The following FAM107B variants were observed in gnomAD, a reference collection of about 807,000 sequenced individuals.
The protein encoded by FAM107B is protein FAM107B.
A neutral mutation model predicts 31.5 loss-of-function variants in FAM107B; 21 were observed. The observed-to-expected ratio is 0.67, with a 90% CI of 0.47 to 0.96. The LOEUF (loss-of-function observed/expected upper bound fraction) is 0.96. Ranked by LOEUF, FAM107B falls within the 40% of genes least tolerant of loss-of-function variation. The probability of loss-of-function intolerance (pLI) is 0.00; values close to 1 mark genes in which losing one functional copy is unlikely to be tolerated. For missense variants in FAM107B, 452 were observed against 377.1 expected, an observed-to-expected ratio of 1.20 and a Z score of -1.64; for synonymous variants, 157 against 141.5, an observed-to-expected ratio of 1.11 and a Z score of -0.78.
intron 2 of FAM107B, among the ~76,000 whole-genome samples, chr10:14,593,683 G>A (rs1184568623): frequency 6.7e-6 from 1 of 148,390 alleles, no homozygotes; most frequent in Non-Finnish European, 1.5e-5. Flanking sequence ...ACGAGACTGA[G>A]AATCTGTCTC....
chr10:14,733,345 T>G (rs1352086514), intron 1 of FAM107B, among the ~76,000 whole-genome samples: 1 of 152,138 alleles, frequency 6.6e-6, no homozygotes, highest in Non-Finnish European at 1.5e-5. Flanking sequence ...TACTTCAATT[T>G]TGTCAGCATC....
intron 3 of FAM107B, among the ~76,000 whole-genome samples, chr10:14,524,455 A>ATT (rs1846014196): frequency 6.6e-6 from 1 of 152,224 alleles, no homozygotes; most frequent in Non-Finnish European, 1.5e-5. Flanking sequence ...CCAAATTTCC[A>ATT]GGGAAACAAA....
intron 2 of FAM107B, chr10:14,612,364 A>G (rs79991209): frequency 6.6e-6 from 1 of 152,268 alleles, no homozygotes; most frequent in Non-Finnish European, 1.5e-5. Flanking sequence ...GAATGAATGC[A>G]TGATGGAAGG....
chr10:14,737,601 G>T (rs911174517), intron 1 of FAM107B, among the ~76,000 whole-genome samples: 2 of 151,840 alleles, frequency 1.3e-5, no homozygotes, highest in Admixed American at 6.6e-5. Context: ...GTGACAGAGA[G>T]AGACTCGGCC....
intron 2 of FAM107B, among the ~76,000 whole-genome samples, chr10:14,603,419 C>G (rs1852469672): frequency 6.6e-6 from 1 of 152,174 alleles, no homozygotes; most frequent in African/African-American, 2.4e-5. Context: ...AACTTTGCTC[C>G]GCTGTCATTG....
chr10:14,541,723 G>C (rs929318089), intron 2 of FAM107B, among the ~76,000 whole-genome samples: 1 of 152,192 alleles, frequency 6.6e-6, no homozygotes, highest in Non-Finnish European at 1.5e-5. Flanking sequence ...GAAGGGAAAA[G>C]ACCTCTGAGT....
intron 1 of FAM107B, among the ~76,000 whole-genome samples, chr10:14,689,467 G>C (rs1369355110): frequency 6.6e-6 from 1 of 151,848 alleles, no homozygotes; most frequent in African/African-American, 2.4e-5. Context: ...GGAAATGCTA[G>C]AGTAGACTTT....
chr10:14,737,068 G>C (rs1006620215), intron 1 of FAM107B, among the ~76,000 whole-genome samples: 3 of 152,082 alleles, frequency 2.0e-5, no homozygotes, highest in Admixed American at 2.0e-4. Flanking sequence ...GAGAAATGAA[G>C]GAAGCAAAAA....
In FAM107B at chr10:14,699,488, A is replaced by G. The variant is rs578026093; in HGVS notation, c.412-31797T>C. Reference sequence around the variant, plus strand: ...ACCAGGAACACTGATGCTCAAGGGCAGGTGAAAGTGGATGGGTCAGATCAA... The same window carrying G: ...ACCAGGAACACTGATGCTCAAGGGCGGGTGAAAGTGGATGGGTCAGATCAA... On this transcript the variant is annotated intron_variant, in intron 1 of 4. Transcript: ENST00000181796. Among the ~76,000 whole-genome samples, 9 of 152,300 alleles carry G rather than the reference A, an allele frequency of 5.9e-5. No homozygotes were observed. In the South Asian group the frequency reaches 1.9e-3, roughly 32 times the overall value.
chr10:14,526,924 G>A (rs553929997), intron 3 of FAM107B, among the ~76,000 whole-genome samples: 87 of 151,204 alleles, frequency 5.8e-4, no homozygotes, highest in African/African-American at 2.0e-3. Flanking sequence ...TGCAAGCTCC[G>A]CCTCCCGGGT....
At chr10:14,716,699 C>T (rs535673319) in intron 1 of FAM107B, among the ~76,000 whole-genome samples, 2 of 152,296 alleles carry the variant, frequency 1.3e-5, no homozygotes, top group South Asian at 4.2e-4. Context: ...TGAATCTTGG[C>T]TCCTCCTCAA....
At chr10:14,725,073 C>G (rs910351987) in intron 1 of FAM107B, among the ~76,000 whole-genome samples, 1 of 152,162 alleles carries the variant, frequency 6.6e-6, no homozygotes, top group Non-Finnish European at 1.5e-5. Flanking sequence ...GCAGGGAGAA[C>G]AGAAACAGCA....
intron 1 of FAM107B, among the ~76,000 whole-genome samples, chr10:14,685,340 G>C (rs1854957740): frequency 6.6e-6 from 1 of 151,728 alleles, no homozygotes. Context: ...GTAGAGACGA[G>C]GCCTCACTAT....
intron 2 of FAM107B, among the ~76,000 whole-genome samples, chr10:14,591,492 G>C (rs1852018296): frequency 6.6e-6 from 1 of 152,156 alleles, no homozygotes; most frequent in South Asian, 2.1e-4. Flanking sequence ...AATGTTGTCA[G>C]TTTTCCCCGA....
intron 2 of FAM107B, among the ~76,000 whole-genome samples, 156 bp downstream of exon 2, chr10:14,667,478 G>A (rs1231124798): frequency 1.3e-5 from 2 of 152,178 alleles, no homozygotes; most frequent in African/African-American, 2.4e-5. Context: ...TCCAGATGTC[G>A]TGCCTGGAAT....
chr10:14,762,383 T>C (rs1833067346), intron 1 of FAM107B, among the ~76,000 whole-genome samples: 1 of 152,214 alleles, frequency 6.6e-6, no homozygotes, highest in African/African-American at 2.4e-5. Flanking sequence ...CACAGGAGGC[T>C]AGCGGAACCT....
intron 2 of FAM107B, among the ~76,000 whole-genome samples, chr10:14,575,734 C>T (rs12572966): frequency 0.16 from 24,393 of 152,098 alleles, 2,333 homozygotes; most frequent in Middle Eastern, 0.28. Context: ...CATGTGTGCA[C>T]GGGCTCACAA....
chr10:14,763,562 G>T (rs1833100843), intron 1 of FAM107B, among the ~76,000 whole-genome samples: 2 of 152,168 alleles, frequency 1.3e-5, no homozygotes, highest in South Asian at 2.1e-4. Flanking sequence ...TGCCTATAGA[G>T]ACGCAAGTCT....
At chr10:14,693,641 C>T (rs913749551) in intron 1 of FAM107B, among the ~76,000 whole-genome samples, 1 of 152,060 alleles carries the variant, frequency 6.6e-6, no homozygotes, top group African/African-American at 2.4e-5. Context: ...GCAGGAACGG[C>T]AAATACAGTA....
Sources: allele counts gnomAD v4.1 joint callset (sites outside exome capture counted in the v4.1 genomes callset), GRCh38; gene constraint gnomAD v4.1.1; transcripts MANE v1.5; gene names NCBI Gene and HGNC (gene_info 2026-07-23, HGNC 2026-07-21).